Variants in WIPF2 observed in about 807,000 individuals in gnomAD.
WIPF2 encodes WAS/WASL interacting protein family member 2.
Under a neutral mutation model 38.8 loss-of-function variants are expected in WIPF2, and 23 were observed. The observed-to-expected ratio is 0.59, with a 90% CI of 0.43 to 0.84. The LOEUF is 0.84. Among genes scored for constraint, WIPF2 ranks in the 40% least tolerant of loss-of-function variants. The pLI, the probability that WIPF2 is intolerant of heterozygous loss-of-function variation, is 0.00. For synonymous variants in WIPF2, 210 were observed against 223.2 expected (o/e 0.94, Z 0.53); for missense variants, 574 against 580.5 (o/e 0.99, Z 0.11).
chr17:40,263,867 C>T (rs1274172369), intron 4 of WIPF2, among the ~76,000 whole-genome samples: 1 of 151,100 alleles, frequency 6.6e-6, no homozygotes, highest in Non-Finnish European at 1.5e-5. Context: ...AGTGTTTTCA[C>T]CATTAAAAAA....
chr17:40,220,602 TATATATATATATATATGTATATATATATA>T lies in WIPF2; in HGVS notation c.-70+1111_-70+1139del, dbSNP rs1567705818. On this transcript the variant is annotated intron_variant, in intron 1 of 7. Transcript: ENST00000323571. ...ATATATATATATATATATATATATATATATATATATATATATGTATATATATATATTTTTTTGTTGTTGTTGTTGGAGAC... is the reference window on the plus strand; with the variant it reads ...ATATATATATATATATATATATATATTTTTTTTGTTGTTGTTGTTGGAGAC... The T allele has an allele frequency of 2.4e-3, 229 of 94,034 alleles. 3 individuals are homozygous for T. Among genetic ancestry groups the T allele is most frequent in the African/African-American group, 9.8e-3 (210 of 21,520 alleles). 5.8% of individuals were successfully genotyped at this position (94,034 alleles called of 1,614,324 possible).
intron 5 of WIPF2, among the ~76,000 whole-genome samples, chr17:40,272,316 G>T (rs1191179636): frequency 6.6e-6 from 1 of 152,132 alleles, no homozygotes; most frequent in Non-Finnish European, 1.5e-5. Flanking sequence ...ACCGTGCCTG[G>T]CATAGGTATG....
At chr17:40,252,671 A>C (rs996954704) in intron 1 of WIPF2, among the ~76,000 whole-genome samples, 22 of 151,848 alleles carry the variant, frequency 1.4e-4, no homozygotes, top group Non-Finnish European at 2.5e-4. Flanking sequence ...AAAAAAAAAA[A>C]AACTAGAAAC....
chr17:40,264,742 C>T lies in WIPF2; in HGVS notation c.566C>T (p.Pro189Leu). Residue 189 changes from proline to leucine, a missense_variant, in exon 5 of 8, where the codon CCC becomes CTC. Pro to Leu is a moderately conservative substitution (Grantham distance 98). Transcript: ENST00000323571. ...CCCCCAGGGCGGCGTGCCAACGCAC[C>T]CCCCACACCTCTGCCTATGCACAGC... is the stretch of plus-strand genomic sequence containing the variant. ...PPPPGRRANA[P>L]PTPLPMHSSK... The T allele has an allele frequency of 6.2e-7, 1 of 1,607,902 alleles. No homozygotes were observed. The highest frequency in any genetic ancestry group is 8.5e-7 in the Non-Finnish European group (1 of 1,177,008).
In WIPF2 at chr17:40,279,029, C is replaced by G. The variant is rs948928676; in HGVS notation, c.*804C>G. ...TGAGGGATGTTTTTCCTCCCCCTTACCGCCCATGCCCTTGAAAGAAAAGTC... is the reference window on the plus strand; with the variant it reads ...TGAGGGATGTTTTTCCTCCCCCTTAGCGCCCATGCCCTTGAAAGAAAAGTC... On this transcript the variant is annotated 3_prime_UTR_variant, in exon 8 of 8. Coordinates refer to ENST00000323571, the MANE Select transcript of WIPF2 (RefSeq NM_133264.5). 2 of 152,210 alleles carry G rather than the reference C, an allele frequency of 1.3e-5. No individual in the cohort carries two copies. The highest frequency in any genetic ancestry group is 4.8e-5 in the African/African-American group (2 of 41,430). 9.4% of individuals were successfully genotyped at this position (152,210 alleles called of 1,614,324 possible).
At chr17:40,227,423 T>A (rs770519517) in intron 1 of WIPF2, among the ~76,000 whole-genome samples, 18 of 152,120 alleles carry the variant, frequency 1.2e-4, no homozygotes, top group Non-Finnish European at 2.1e-4. Context: ...GAAGTCAGAA[T>A]CCACTAAGGA....
chr17:40,261,804 A>T (rs146561435), intron 3 of WIPF2, among the ~76,000 whole-genome samples: 3,026 of 149,080 alleles, frequency 0.02, 42 homozygotes, highest in Non-Finnish European at 0.031. Flanking sequence ...CTCCTGCCTC[A>T]GCCTCCCGAG....
chr17:40,224,020 CAT>C (rs983489754), intron 1 of WIPF2, among the ~76,000 whole-genome samples: 1 of 151,906 alleles, frequency 6.6e-6, no homozygotes, highest in South Asian at 2.1e-4. Context: ...CTTCAGCAAA[CAT>C]AGTCTTCTTA....
At chr17:40,272,247 G>A (rs1484432252) in intron 5 of WIPF2, among the ~76,000 whole-genome samples, 1 of 152,066 alleles carries the variant, frequency 6.6e-6, no homozygotes, top group Non-Finnish European at 1.5e-5. Context: ...TCGAACTCCC[G>A]ACCTCAGGTG....
chr17:40,246,093 C>CTTT (rs552563309), intron 1 of WIPF2, among the ~76,000 whole-genome samples: 2 of 140,418 alleles, frequency 1.4e-5, no homozygotes, highest in Non-Finnish European at 1.6e-5. Context: ...CAATGCTACT[C>CTTT]TTTTTTTTTT....
intron 5 of WIPF2, among the ~76,000 whole-genome samples, chr17:40,266,949 A>T (rs2032108179): frequency 3.3e-5 from 5 of 152,118 alleles, no homozygotes. Flanking sequence ...AAGCATGTGG[A>T]AAGTTTATTC....
At chr17:40,274,037 G>C in intron 6 of WIPF2, 38 bp downstream of exon 6, 1 of 1,484,520 alleles carries the variant, frequency 6.7e-7, no homozygotes, top group South Asian at 1.4e-5. Context: ...TGGTTCCTGC[G>C]GTGACTTCAC....
At chr17:40,234,861 G>T (rs762301449) in intron 1 of WIPF2, among the ~76,000 whole-genome samples, 2 of 152,092 alleles carry the variant, frequency 1.3e-5, no homozygotes, top group South Asian at 4.1e-4. Flanking sequence ...CGCTCTCGTT[G>T]CTACTGGAGA....
intron 4 of WIPF2, 141 bp downstream of exon 4, chr17:40,262,782 T>C: frequency 3.0e-6 from 2 of 661,006 alleles, no homozygotes; most frequent in East Asian, 2.6e-5. Context: ...TAGAATAGAA[T>C]ACAGCAAAAG....
At chr17:40,245,715 A>G (rs893320969) in intron 1 of WIPF2, among the ~76,000 whole-genome samples, 2 of 152,026 alleles carry the variant, frequency 1.3e-5, no homozygotes, top group African/African-American at 2.4e-5. Context: ...CTTGTTTTCT[A>G]TTCACTAGAT....
intron 4 of WIPF2, among the ~76,000 whole-genome samples, chr17:40,263,328 C>A (rs1019160296): frequency 6.6e-6 from 1 of 151,898 alleles, no homozygotes; most frequent in Non-Finnish European, 1.5e-5. Flanking sequence ...CAATGGGGTT[C>A]GCCCTCCTAT....
intron 5 of WIPF2, among the ~76,000 whole-genome samples, chr17:40,272,493 A>G (rs2032278573): frequency 6.6e-6 from 1 of 152,222 alleles, no homozygotes. Flanking sequence ...GTAACTTCCC[A>G]CAATGAATCT....
chr17:40,230,605 A>G (rs546422799), intron 1 of WIPF2, among the ~76,000 whole-genome samples: 1 of 152,276 alleles, frequency 6.6e-6, no homozygotes, highest in South Asian at 2.1e-4. Context: ...GATCTTAGAA[A>G]TTGTTTTGGA....
chr17:40,274,565 A>G lies in WIPF2; in HGVS notation c.1180+566A>G, dbSNP rs1367557998. 2.2e-3 allele frequency among the ~76,000 whole-genome samples: 319 copies of G among 144,008 alleles called. 5 individuals are homozygous for G. Among genetic ancestry groups the G allele is most frequent in the African/African-American group, 7.7e-3 (298 of 38,666 alleles). The allele number at this position is 144,008 out of a possible 152,430, so 94.5% of individuals were successfully genotyped here. On this transcript the variant is annotated intron_variant, in intron 6 of 7. Coordinates refer to ENST00000323571, the MANE Select transcript of WIPF2 (RefSeq NM_133264.5). ...CTTTCCTTGGAATTCTTGAAAAAAAAAAAAAAAAAAAAAAAAAAAAAAAGA... is the reference window on the plus strand; with the variant it reads ...CTTTCCTTGGAATTCTTGAAAAAAAGAAAAAAAAAAAAAAAAAAAAAAAGA...
Sources: allele counts gnomAD v4.1 joint callset (sites outside exome capture counted in the v4.1 genomes callset), GRCh38; gene constraint gnomAD v4.1.1; transcripts MANE v1.5; gene names NCBI Gene and HGNC (gene_info 2026-07-23, HGNC 2026-07-21).